DGKZ: variants seen among roughly 807,000 people sequenced by gnomAD.
The protein encoded by DGKZ is DAG kinase zeta.
A neutral mutation model predicts 142.5 loss-of-function variants in DGKZ; 45 were observed. The ratio of observed to expected loss-of-function variants is 0.32; its 90% CI spans 0.25 to 0.40. DGKZ has a LOEUF of 0.40. DGKZ is among the 10% of genes least tolerant of loss of function. DGKZ has a pLI of 1.00. For missense variants in DGKZ, 755 were observed against 1,306.5 expected (o/e 0.58, Z 6.51); for synonymous variants, 442 against 527.0 (o/e 0.84, Z 2.21).
intron 25 of DGKZ, chr11:46,377,905 C>G (rs1745263504): frequency 2.0e-6 from 1 of 509,076 alleles, no homozygotes; most frequent in African/African-American, 2.0e-5. Flanking sequence ...CCAGGACCCC[C>G]TCTGCAGGGG....
chr11:46,369,485 G>A lies in DGKZ; in HGVS notation c.445-9G>A. The A allele has an allele frequency of 3.7e-6, 6 of 1,614,134 alleles. No homozygotes were observed. Among genetic ancestry groups the A allele is most frequent in the Non-Finnish European group, 5.1e-6 (6 of 1,180,042 alleles). On this transcript the variant is annotated splice_polypyrimidine_tract_variant and intron_variant, in intron 4 of 30. Transcript: ENST00000527911. ...CTGACATTTTGGTGGTCACTGCCAT[G>A]TTTCACAGATAAATTTCCGCTGTAA...
Position 46,372,917 on chromosome 11 carries a change from G to T in DGKZ, c.1185+33G>T. ...CCCATAGGAGGGGGGTGCAGCTGGG[G>T]CCTCTCCAGCCACAGAGGGCTCAGT... On this transcript the variant is annotated intron_variant, in intron 13 of 30. Transcript: ENST00000527911. The surrounding 1 kb of genome is among the most constrained non-coding windows in gnomAD (Gnocchi z 5.9). The T allele has an allele frequency of 1.3e-6, 2 of 1,556,470 alleles. No homozygotes were observed. The highest frequency in any genetic ancestry group is 1.7e-6 in the Non-Finnish European group (2 of 1,150,096).
chr11:46,366,070 G>A (rs1248840585), intron 1 of DGKZ: 42 of 985,288 alleles, frequency 4.3e-5, no homozygotes, highest in Middle Eastern at 5.2e-4. Context: ...GTCAGAGGCT[G>A]CAGTGACCCC....
chr11:46,365,772 G>A, intron 1 of DGKZ: 3 of 985,412 alleles, frequency 3.0e-6, no homozygotes, highest in Non-Finnish European at 3.6e-6. Context: ...CAAAACAAAG[G>A]CCCAGCAAGT....
intron 1 of DGKZ, among the ~76,000 whole-genome samples, chr11:46,341,080 G>A (rs1940254864): frequency 6.6e-6 from 1 of 152,168 alleles, no homozygotes; most frequent in South Asian, 2.1e-4. Context: ...CCTGAGAGGC[G>A]GAGGTTGCAG....
chr11:46,376,708 T>C (rs1198917477), intron 24 of DGKZ, 144 bp downstream of exon 24: 6 of 1,114,148 alleles, frequency 5.4e-6, no homozygotes, highest in Non-Finnish European at 7.8e-6. Flanking sequence ...CCTGTGTGCA[T>C]GGACAGCGTG....
chr11:46,350,946 G>A (rs1290746916), intron 1 of DGKZ, among the ~76,000 whole-genome samples: 1 of 151,460 alleles, frequency 6.6e-6, no homozygotes, highest in Non-Finnish European at 1.5e-5. Context: ...CTTCTTGCCG[G>A]AACTATCAGT....
At position 46,374,153 on chromosome 11, in the gene DGKZ, C is replaced by T. The variant is rs1187832553; in HGVS notation, c.1327-4C>T. The T allele has an allele frequency of 1.9e-6, 3 of 1,614,188 alleles. No homozygotes were observed. The highest frequency in any genetic ancestry group is 2.2e-5 in the East Asian group (1 of 44,884). On this transcript the variant is annotated splice_polypyrimidine_tract_variant and splice_region_variant and intron_variant, in intron 14 of 30. Transcript: ENST00000527911. ...CTCATTTTGGTCCCTTGACCTTTTT[C>T]CAGTTGCCCCTGGATGTCTTCAACA...
Position 46,372,964 on chromosome 11 carries a change from T to C in DGKZ, c.1189T>C (p.Tyr397His), listed in dbSNP as rs1185230074. ...CAGTCCCTGCCTGCTCCCCCAGGGC[T>C]ACACAGATGAGCCTGTGTCCAAGAT... Residue 397 changes from tyrosine (Y) to histidine (H), a missense_variant, in exon 14 of 31, where the codon TAC (tyrosine) becomes CAC (histidine). Transcript: ENST00000527911. This position sits in a 1 kb window ranked among gnomAD's most constrained non-coding sequence, Gnocchi z 5.9. 21 of 1,545,960 alleles carry C rather than the reference T, an allele frequency of 1.4e-5. No individual in the cohort carries two copies. Among genetic ancestry groups the C allele is most frequent in the Non-Finnish European group, 8.8e-6 (10 of 1,142,838 alleles).
upstream of DGKZ, among the ~76,000 whole-genome samples, chr11:46,344,536 C>T (rs759584194): frequency 6.6e-6 from 1 of 151,350 alleles, no homozygotes; most frequent in Non-Finnish European, 1.5e-5. Flanking sequence ...TCATCACAAC[C>T]TCCACCTCCC....
At chr11:46,378,952 C>G in intron 27 of DGKZ, 39 bp from the exon 28 acceptor site, 2 of 1,506,472 alleles carry the variant, frequency 1.3e-6, no homozygotes, top group Non-Finnish European at 1.8e-6. Flanking sequence ...GGAGGGGTGG[C>G]CCCAGGAGGT....
At chr11:46,352,829 G>T (rs2136412222) in intron 1 of DGKZ, among the ~76,000 whole-genome samples, 1 of 152,344 alleles carries the variant, frequency 6.6e-6, no homozygotes, top group Non-Finnish European at 1.5e-5. Context: ...CCGTGTCGGG[G>T]TCAGCCCCAC....
chr11:46,370,340 G>A (rs779994981), intron 6 of DGKZ, among the ~76,000 whole-genome samples: 2 of 152,264 alleles, frequency 1.3e-5, no homozygotes, highest in Non-Finnish European at 2.9e-5. Context: ...CTGGGCAGCG[G>A]TTTCCCACCC....
In DGKZ at chr11:46,367,197, C is replaced by T. The variant is rs1212451888; in HGVS notation, c.162-94C>T. 2 of 1,336,606 alleles carry T rather than the reference C, an allele frequency of 1.5e-6. No homozygotes were observed. The highest frequency in any genetic ancestry group is 2.9e-5 in the African/African-American group (2 of 68,860). The allele number at this position is 1,336,606 out of a possible 1,614,324, so 82.8% of individuals were successfully genotyped here. A position where few individuals can be genotyped will look rare whatever the true frequency, so the allele number is the denominator to read the frequency against. ...GGAGGCTCCTCCGCCCTCCCTGTTG[C>T]CGAGGTCACGGAAAGGGCAGAGGCC... On this transcript the variant is annotated intron_variant, in intron 1 of 30. Transcript: ENST00000527911. The surrounding 1 kb of genome is among the most constrained non-coding windows in gnomAD (Gnocchi z 4.1).
exon 31 of DGKZ, chr11:46,379,844 G>T (rs768981037): frequency 6.2e-7 from 1 of 1,610,346 alleles, no homozygotes; most frequent in Non-Finnish European, 8.5e-7. Context: ...GACACTCCCC[G>T]GCAGCGGGCT....
intron 14 of DGKZ, 152 bp from the exon 15 acceptor site, chr11:46,374,005 C>A: frequency 1.3e-6 from 1 of 761,610 alleles, no homozygotes; most frequent in Non-Finnish European, 2.1e-6. Context: ...CTGTGCCTGA[C>A]AGCGGGTGAG....
At chr11:46,359,576 G>T (rs1942405211) in intron 1 of DGKZ, among the ~76,000 whole-genome samples, 1 of 151,992 alleles carries the variant, frequency 6.6e-6, no homozygotes, top group Admixed American at 6.6e-5. Flanking sequence ...AAAGTTCATT[G>T]ACGTGGTTTT....
chr11:46,360,881 G>T (rs1942567866), intron 1 of DGKZ, among the ~76,000 whole-genome samples: 1 of 152,132 alleles, frequency 6.6e-6, no homozygotes, highest in Non-Finnish European at 1.5e-5. Context: ...ACTGGGAGTT[G>T]GGGGGGTGGC....
At chr11:46,340,969 C>T (rs1297600492) in intron 1 of DGKZ, among the ~76,000 whole-genome samples, 2 of 152,164 alleles carry the variant, frequency 1.3e-5, no homozygotes, top group East Asian at 1.9e-4. Context: ...GGCAACATGG[C>T]GAAACCCTGT....
Sources: gnomAD v4.1 joint callset for allele counts (sites outside exome capture counted in the v4.1 genomes callset) on GRCh38, gnomAD v4.1.1 for gene constraint, Gnocchi (gnomAD v3.1) non-coding constraint, MANE v1.5 for transcripts, NCBI Gene and HGNC (gene_info 2026-07-23, HGNC 2026-07-21) for gene names.